The following LOC128462377 variants were observed in gnomAD, a reference collection of about 807,000 sequenced individuals.
At chr16:89,338,420 C>G in the LOC128462377 span, among the ~76,000 whole-genome samples, 1 of 116,416 alleles carries the variant, frequency 8.6e-6, no homozygotes, top group Non-Finnish European at 1.7e-5. Flanking sequence ...AACATACACT[C>G]TGTTAAAAAA....
At chr16:89,318,211 C>T in the LOC128462377 span, among the ~76,000 whole-genome samples, 12 of 152,202 alleles carry the variant, frequency 7.9e-5, no homozygotes, top group Non-Finnish European at 1.3e-4. Context: ...AACTTCCCCA[C>T]GCCACGCCTG....
the LOC128462377 span, among the ~76,000 whole-genome samples, chr16:89,364,904 G>C: frequency 6.6e-6 from 1 of 152,180 alleles, no homozygotes; most frequent in Admixed American, 6.5e-5. Context: ...AAGCCTCATC[G>C]AATGCTGAAT....
At chr16:89,374,675 G>A in the LOC128462377 span, among the ~76,000 whole-genome samples, 1 of 152,188 alleles carries the variant, frequency 6.6e-6, no homozygotes, top group South Asian at 2.1e-4. Flanking sequence ...AGCTCCTCCA[G>A]AGAGCATCGG....
chr16:89,325,039 T>C, the LOC128462377 span: 1 of 157,104 alleles, frequency 6.4e-6, no homozygotes, highest in African/African-American at 2.4e-5. Flanking sequence ...CACCTGGCAA[T>C]CTCTACTCAT....
At chr16:89,317,092 G>T in the LOC128462377 span, 1 of 1,492,578 alleles carries the variant, frequency 6.7e-7, no homozygotes, top group South Asian at 1.2e-5. Flanking sequence ...CAAAAGAGAA[G>T]ACACACAATT....
chr16:89,408,932 T>C, the LOC128462377 span, among the ~76,000 whole-genome samples: 1 of 152,136 alleles, frequency 6.6e-6, no homozygotes, highest in African/African-American at 2.4e-5. Context: ...GAAATACAAG[T>C]GAACAGGCCG....
chr16:89,389,594 A>C, the LOC128462377 span, among the ~76,000 whole-genome samples: 1 of 152,216 alleles, frequency 6.6e-6, no homozygotes, highest in Non-Finnish European at 1.5e-5. Flanking sequence ...GTGTGAGACG[A>C]AAATCACACT....
chr16:89,326,255 C>T, the LOC128462377 span, among the ~76,000 whole-genome samples: 1 of 152,154 alleles, frequency 6.6e-6, no homozygotes, highest in African/African-American at 2.4e-5. Flanking sequence ...TGGAAATAAA[C>T]ACACGGAAGT....
chr16:89,345,415 C>G, the LOC128462377 span, among the ~76,000 whole-genome samples: 4 of 152,206 alleles, frequency 2.6e-5, no homozygotes, highest in Non-Finnish European at 5.9e-5. Context: ...CTATTAAGGG[C>G]TAGCACTGGG....
chr16:89,381,882 TC>T, the LOC128462377 span, among the ~76,000 whole-genome samples: 1 of 152,250 alleles, frequency 6.6e-6, no homozygotes, highest in African/African-American at 2.4e-5. Context: ...CACAGGCCAC[TC>T]ACGTGGTGAC....
the LOC128462377 span, among the ~76,000 whole-genome samples, chr16:89,349,828 A>G: frequency 1.3e-5 from 2 of 151,456 alleles, no homozygotes; most frequent in Admixed American, 1.3e-4. Context: ...AGACACTATT[A>G]AGAAATAAAA....
chr16:89,392,760 T>G, the LOC128462377 span: 1 of 148,704 alleles, frequency 6.7e-6, no homozygotes, highest in African/African-American at 2.5e-5. Context: ...GAACCTGCAC[T>G]TAAGCAAACT....
chr16:89,402,483 C>G, the LOC128462377 span, among the ~76,000 whole-genome samples: 1 of 152,112 alleles, frequency 6.6e-6, no homozygotes, highest in East Asian at 1.9e-4. Context: ...AGTTCAAGAG[C>G]ATCCTGGGAA....
At chr16:89,349,104 G>A in the LOC128462377 span, among the ~76,000 whole-genome samples, 2 of 94,900 alleles carry the variant, frequency 2.1e-5, no homozygotes, top group South Asian at 6.2e-4. Flanking sequence ...CTCTAGCCTG[G>A]GGGACAGAGT....
chr16:89,367,469 G>A, the LOC128462377 span, among the ~76,000 whole-genome samples: 5 of 152,282 alleles, frequency 3.3e-5, no homozygotes, highest in South Asian at 2.1e-4. Context: ...GGGGAGCGAC[G>A]CTCTCAAACA....
the LOC128462377 span, among the ~76,000 whole-genome samples, chr16:89,322,605 C>T: frequency 6.7e-6 from 1 of 149,510 alleles, no homozygotes; most frequent in Non-Finnish European, 1.5e-5. Flanking sequence ...GCTCCAATTC[C>T]AAAGACAGGA....
chr16:89,409,985 G>A, the LOC128462377 span, among the ~76,000 whole-genome samples: 7 of 151,916 alleles, frequency 4.6e-5, no homozygotes, highest in South Asian at 2.1e-4. Context: ...GACTACAGGC[G>A]CCCGCCACCA....
the LOC128462377 span, among the ~76,000 whole-genome samples, chr16:89,414,562 A>G: frequency 6.6e-6 from 1 of 152,234 alleles, no homozygotes; most frequent in Non-Finnish European, 1.5e-5. Context: ...TTGTTTCTGT[A>G]AAGTGTTATT....
chr16:89,373,651 G>T, the LOC128462377 span, among the ~76,000 whole-genome samples: 1 of 152,136 alleles, frequency 6.6e-6, no homozygotes, highest in Non-Finnish European at 1.5e-5. Flanking sequence ...TTTACTTCAC[G>T]AAATGAAAAC....
Sources: gnomAD v4.1 joint callset for allele counts (sites outside exome capture counted in the v4.1 genomes callset) on GRCh38, gnomAD v4.1.1 for gene constraint, MANE v1.5 for transcripts.